FAT3: variants seen among roughly 807,000 people sequenced by gnomAD.
The protein encoded by FAT3 is protocadherin Fat 3.
In FAT3, 95 loss-of-function variants were observed where a neutral mutation model predicts 310.2. That is an observed-to-expected ratio of 0.31 (90% CI 0.26 to 0.36). FAT3 has a LOEUF of 0.36. Ranked by LOEUF, FAT3 falls within the 10% of genes least tolerant of loss-of-function variation. The pLI, the probability that FAT3 is intolerant of heterozygous loss-of-function variation, is 1.00. For synonymous variants in FAT3, 2,314 were observed against 2,192.9 expected (o/e 1.06, Z -1.54); for missense variants, 5,408 against 5,715.6 (o/e 0.95, Z 1.74).
intron 3 of FAT3, among the ~76,000 whole-genome samples, chr11:92,619,731 T>C (rs1940994247): frequency 2.0e-5 from 3 of 152,092 alleles, no homozygotes; most frequent in African/African-American, 7.2e-5. Context: ...ATTTTAGCAA[T>C]TTGAGTCCCC....
At chr11:92,494,031 ATTTT>A (rs5793604) in intron 2 of FAT3, among the ~76,000 whole-genome samples, 283 of 144,260 alleles carry the variant, frequency 2.0e-3, no homozygotes, top group African/African-American at 5.1e-3. Context: ...ATCTGATTCT[ATTTT>A]TTTTTTTTTT....
chr11:92,756,150 T>C (rs1370920483), intron 4 of FAT3, among the ~76,000 whole-genome samples: 1 of 152,228 alleles, frequency 6.6e-6, no homozygotes, highest in Non-Finnish European at 1.5e-5. Flanking sequence ...CCCTTTTCCA[T>C]AGGGGATATG....
At chr11:92,351,706 G>A (rs1424621362) in intron 1 of FAT3, among the ~76,000 whole-genome samples, 1 of 151,376 alleles carries the variant, frequency 6.6e-6, no homozygotes, top group Non-Finnish European at 1.5e-5. Flanking sequence ...ACAGATAATT[G>A]TCTAAATGTT....
At chr11:92,722,647 C>A (rs1346845560) in intron 4 of FAT3, among the ~76,000 whole-genome samples, 1 of 152,240 alleles carries the variant, frequency 6.6e-6, no homozygotes, top group Non-Finnish European at 1.5e-5. Context: ...TCCATGAGAG[C>A]CCCACCCCTG....
chr11:92,840,581 C>A lies in FAT3; in HGVS notation c.10388C>A (p.Thr3463Asn). 8 of 1,595,926 alleles carry A rather than the reference C, an allele frequency of 5.0e-6. No individual in the cohort carries two copies. Among genetic ancestry groups the A allele is most frequent in the Non-Finnish European group, 6.9e-6 (8 of 1,165,198 alleles). The change falls in exon 18 of 28, where the codon ACC (threonine) becomes AAC (asparagine). Residue 3463 changes from threonine to asparagine, a missense_variant. Transcript: ENST00000525166. ...AVIQENKPVG[T>N]SILQLVVTDR... ...ATGCAGGAAAATAAGCCAGTGGGCACCAGCATCTTGCAGCTGGTGGTGACA... is the reference window on the plus strand; with the variant it reads ...ATGCAGGAAAATAAGCCAGTGGGCAACAGCATCTTGCAGCTGGTGGTGACA...
chr11:92,481,177 T>C (rs1320442786), intron 2 of FAT3, among the ~76,000 whole-genome samples: 1 of 152,212 alleles, frequency 6.6e-6, no homozygotes, highest in Non-Finnish European at 1.5e-5. Flanking sequence ...TGCTAAATCA[T>C]TTCAATCAGT....
intron 1 of FAT3, among the ~76,000 whole-genome samples, chr11:92,325,808 T>A (rs1947747728): frequency 1.3e-5 from 2 of 152,194 alleles, no homozygotes; most frequent in South Asian, 4.1e-4. Flanking sequence ...ATTTTTGTAT[T>A]TTTAGTAGAT....
In FAT3 at chr11:92,467,624, T is replaced by A. The variant is rs574618481; in HGVS notation, c.3293-57010T>A. On this transcript the variant is annotated intron_variant, in intron 2 of 27. Transcript: ENST00000525166. Reference sequence around the variant, plus strand: ...TCACAATTTTGTTTCTTGGTGTTGGTCTGTCATGCATCCCCAGTCCCTTAA... The same window carrying A: ...TCACAATTTTGTTTCTTGGTGTTGGACTGTCATGCATCCCCAGTCCCTTAA... Among the ~76,000 whole-genome samples the A allele has an allele frequency of 2.6e-5, 4 of 152,286 alleles. No individual in the cohort carries two copies. In the South Asian group the frequency reaches 8.3e-4, roughly 32 times the overall value.
At chr11:92,813,738 T>TCTAA (rs1947745521) in intron 13 of FAT3, among the ~76,000 whole-genome samples, 1 of 152,234 alleles carries the variant, frequency 6.6e-6, no homozygotes, top group African/African-American at 2.4e-5. Flanking sequence ...ATCCAAGTTG[T>TCTAA]CTAATTGGTT....
intron 7 of FAT3, among the ~76,000 whole-genome samples, chr11:92,780,833 A>G (rs1398626826): frequency 2.0e-5 from 3 of 152,056 alleles, no homozygotes; most frequent in Admixed American, 6.6e-5. Flanking sequence ...ACTTCAACCC[A>G]CTGAGCTTTT....
At chr11:92,318,993 A>T (rs908917895) in intron 1 of FAT3, among the ~76,000 whole-genome samples, 1 of 152,216 alleles carries the variant, frequency 6.6e-6, no homozygotes, top group Non-Finnish European at 1.5e-5. Flanking sequence ...CAATAAACAC[A>T]ACAAACATCC....
At chr11:92,749,880 A>G (rs192651955) in intron 4 of FAT3, among the ~76,000 whole-genome samples, 2 of 152,370 alleles carry the variant, frequency 1.3e-5, no homozygotes, top group South Asian at 2.1e-4. Context: ...TAAATCAATC[A>G]GATCCAAGAG....
intron 2 of FAT3, among the ~76,000 whole-genome samples, chr11:92,424,172 C>T (rs1950584858): frequency 6.6e-6 from 1 of 152,080 alleles, no homozygotes; most frequent in South Asian, 2.1e-4. Flanking sequence ...TGCTTTCATT[C>T]ATAGTAATAG....
At chr11:92,516,100 A>G (rs1953473561) in intron 2 of FAT3, among the ~76,000 whole-genome samples, 1 of 152,204 alleles carries the variant, frequency 6.6e-6, no homozygotes, top group East Asian at 1.9e-4. Context: ...ATTATTCCAA[A>G]CAATAGAAAA....
chr11:92,793,088 G>A (rs934725321), intron 9 of FAT3, 111 bp downstream of exon 9: 2 of 1,171,854 alleles, frequency 1.7e-6, no homozygotes, highest in Non-Finnish European at 2.4e-6. Context: ...ATCTCTAAAT[G>A]AACTTTTTTG....
intron 8 of FAT3, among the ~76,000 whole-genome samples, chr11:92,791,703 A>G (rs887509851): frequency 1.3e-5 from 2 of 152,176 alleles, no homozygotes; most frequent in Non-Finnish European, 2.9e-5. Flanking sequence ...TATATTTTCT[A>G]ATTTCTTCAC....
intron 3 of FAT3, among the ~76,000 whole-genome samples, chr11:92,560,598 G>A (rs1955190029): frequency 6.6e-6 from 1 of 151,982 alleles, no homozygotes; most frequent in African/African-American, 2.4e-5. Flanking sequence ...ATATTCTCTG[G>A]TTGTAGAATC....
Position 92,353,017 on chromosome 11 carries a change from C to T in FAT3, c.905C>T (p.Ser302Phe), listed in dbSNP as rs1372253942. 1 of 1,613,568 alleles carries T rather than the reference C, an allele frequency of 6.2e-7. No individual in the cohort carries two copies. The highest frequency in any genetic ancestry group is 8.5e-7 in the Non-Finnish European group (1 of 1,179,860). The change falls in exon 2 of 28, where the codon TCC becomes TTC. Residue 302 changes from serine (S) to phenylalanine (F), a missense_variant. Around this residue, in one of 5 missense-constraint regions of FAT3, gnomAD observed 4,588 missense variants for 4,809.8 expected, o/e 0.95. Transcript: ENST00000525166. Reference sequence around the variant, plus strand: ...GCGAATGGAGAGATCGAATCTGTTTCCATTGTGGCTGGGGATCCTTTAGAT... The same window carrying T: ...GCGAATGGAGAGATCGAATCTGTTTTCATTGTGGCTGGGGATCCTTTAGAT... ...DGANGEIESV[S>F]IVAGDPLDQF...
At chr11:92,652,144 A>G (rs1014992103) in intron 3 of FAT3, among the ~76,000 whole-genome samples, 2 of 152,118 alleles carry the variant, frequency 1.3e-5, no homozygotes, top group African/African-American at 4.8e-5. Context: ...AGGGTTTAGT[A>G]ACAACCCCCC....
Sources: gnomAD v4.1 joint callset for allele counts (sites outside exome capture counted in the v4.1 genomes callset) on GRCh38, gnomAD v4.1.1 for gene constraint, gnomAD v4.1.1 regional missense constraint, MANE v1.5 for transcripts, NCBI Gene and HGNC (gene_info 2026-07-23, HGNC 2026-07-21) for gene names.